DOCK7: variants seen among roughly 807,000 people sequenced by gnomAD.
DOCK7 encodes the protein dedicator of cytokinesis protein 7.
DOCK7 carries 138 observed loss-of-function variants against 271.0 expected under a neutral mutation model. The ratio of observed to expected loss-of-function variants is 0.51; its 90% confidence interval spans 0.44 to 0.59. The LOEUF is 0.59. Ranked by LOEUF, DOCK7 falls within the 20% of genes least tolerant of loss-of-function variation. The pLI is 0.00. For missense variants in DOCK7, 2,066 were observed against 2,592.4 expected, an observed-to-expected ratio of 0.80 and a Z score of 4.41; for synonymous variants, 823 against 876.1, an observed-to-expected ratio of 0.94 and a Z score of 1.07.
intron 34 of DOCK7, among the ~76,000 whole-genome samples, chr1:62,508,507 C>G (rs954190934): frequency 1.6e-4 from 25 of 152,034 alleles, no homozygotes; most frequent in Non-Finnish European, 3.5e-4. Flanking sequence ...CTAATTTTCC[C>G]CCAATTTTTT....
chr1:62,664,376 A>G (rs530254207), intron 1 of DOCK7, among the ~76,000 whole-genome samples: 1 of 152,184 alleles, frequency 6.6e-6, no homozygotes, highest in Middle Eastern at 3.4e-3. Flanking sequence ...TGATGGTTTT[A>G]TAAGGGGTTT....
intron 14 of DOCK7, chr1:62,601,912 A>G: frequency 7.1e-7 from 1 of 1,414,072 alleles, no homozygotes; most frequent in Non-Finnish European, 1.0e-6. Flanking sequence ...AATAGACAGT[A>G]GTTAGTTCAA....
intron 14 of DOCK7, among the ~76,000 whole-genome samples, chr1:62,616,692 AAACT>A (rs1652481203): frequency 6.6e-6 from 1 of 151,784 alleles, no homozygotes; most frequent in African/African-American, 2.4e-5. Context: ...GAGACTGAAT[AAACT>A]AATTTAAATG....
rs59566679 is a variant in DOCK7, at chr1:62,534,900, G to A, written c.3611+593C>T. Among the ~76,000 whole-genome samples the A allele has an allele frequency of 8.4e-3, 1,280 of 152,186 alleles. 22 individuals carry two copies. Among genetic ancestry groups the A allele is most frequent in the African/African-American group, 0.029 (1,213 of 41,522 alleles). On this transcript the variant is annotated intron_variant, in intron 29 of 49. Coordinates refer to ENST00000635253, the MANE Select transcript of DOCK7 (RefSeq NM_001367561.1). ...GAGGTCAGGAGTTTGAGACCAGCCT[G>A]GACAACATGGTGAAACCCCATCTCT...
Position 62,477,824 on chromosome 1 carries a change from C to A in DOCK7, c.5510G>T (p.Arg1837Leu). ...AACACGAAAATAGGTGCCAAACATC[C>A]GCTTACCATCCTAGGTTTAGGAAAA... is the stretch of plus-strand genomic sequence containing the variant. ...KIVHQSTGWE[R>L]MFGTYFRVGF... The change falls in exon 44 of 50, where the codon CGG (arginine) becomes CTG (leucine). Residue 1837 changes from arginine to leucine, a missense_variant and splice_region_variant. Arg to Leu is a moderately radical substitution (Grantham distance 102). Transcript: ENST00000635253. The A allele has an allele frequency of 6.2e-7, 1 of 1,604,658 alleles. No individual in the cohort carries two copies. Among genetic ancestry groups the A allele is most frequent in the Non-Finnish European group, 8.5e-7 (1 of 1,176,718 alleles).
chr1:62,669,040 C>T (rs1267928306), intron 1 of DOCK7, among the ~76,000 whole-genome samples: 1 of 152,034 alleles, frequency 6.6e-6, no homozygotes, highest in African/African-American at 2.4e-5. Flanking sequence ...TATATCACAT[C>T]CTCCATAAAG....
At chr1:62,457,363 T>A (rs1219143054) in intron 49 of DOCK7, among the ~76,000 whole-genome samples, 175 bp downstream of exon 49, 1 of 152,190 alleles carries the variant, frequency 6.6e-6, no homozygotes, top group African/African-American at 2.4e-5. Context: ...ATTTTTGGAT[T>A]AGGGATACTC....
chr1:62,536,214 TC>T (rs1439858932), intron 28 of DOCK7, among the ~76,000 whole-genome samples: 1 of 152,188 alleles, frequency 6.6e-6, no homozygotes, highest in African/African-American at 2.4e-5. Context: ...ACAATAGATT[TC>T]ACATTTCTCT....
intron 16 of DOCK7, among the ~76,000 whole-genome samples, chr1:62,580,195 A>G (rs1477840854): frequency 6.6e-6 from 1 of 152,212 alleles, no homozygotes; most frequent in Non-Finnish European, 1.5e-5. Context: ...TATCTCAAAT[A>G]AGCCTCAAAA....
intron 14 of DOCK7, among the ~76,000 whole-genome samples, chr1:62,593,695 T>C (rs914198424): frequency 6.6e-6 from 1 of 152,192 alleles, no homozygotes; most frequent in Non-Finnish European, 1.5e-5. Context: ...GATAAAATTA[T>C]TCCTTCAAAG....
chr1:62,473,641 A>G (rs1351698436), intron 48 of DOCK7, among the ~76,000 whole-genome samples: 1 of 151,950 alleles, frequency 6.6e-6, no homozygotes, highest in African/African-American at 2.4e-5. Flanking sequence ...GCTGGAGTGC[A>G]GTGTACAATC....
intron 48 of DOCK7, among the ~76,000 whole-genome samples, chr1:62,459,953 T>C (rs1247116223): frequency 1.3e-5 from 2 of 151,634 alleles, no homozygotes; most frequent in African/African-American, 2.4e-5. Flanking sequence ...TACAAAAAAT[T>C]AGCCAGGTGT....
intron 14 of DOCK7, among the ~76,000 whole-genome samples, chr1:62,610,414 C>A (rs1465091920): frequency 6.6e-6 from 1 of 151,988 alleles, no homozygotes; most frequent in Non-Finnish European, 1.5e-5. Context: ...CCAACCACAG[C>A]AGTATTACCA....
chr1:62,606,228 C>T (rs763886336), intron 14 of DOCK7: 12 of 151,470 alleles, frequency 7.9e-5, no homozygotes, highest in African/African-American at 1.2e-4. Context: ...ACCAAAATGG[C>T]TCCTCTCTTC....
At chr1:62,457,979 C>T (rs1391341801) in intron 48 of DOCK7, 1 of 292,320 alleles carries the variant, frequency 3.4e-6, no homozygotes. Context: ...GGCAAAACCT[C>T]GTCTCTACAA....
Position 62,625,669 on chromosome 1 carries a change from A to G in DOCK7, c.1283-268T>C, listed in dbSNP as rs551240383. On this transcript the variant is annotated intron_variant, in intron 11 of 49. Transcript: ENST00000635253. ...CAATGATGAGCCACAAAGAGCAGCT[A>G]TAGAGGAAGTATGCATTTACTACAA... 2.0e-5 allele frequency among the ~76,000 whole-genome samples: 3 copies of G among 152,366 alleles called. No individual in the cohort carries two copies. In the South Asian group the frequency reaches 6.2e-4, roughly 32 times the overall value.
chr1:62,601,206 T>G, intron 14 of DOCK7: 1 of 1,530,646 alleles, frequency 6.5e-7, no homozygotes. Flanking sequence ...GGTAAGACAC[T>G]TTGGTGGGTT....
intron 22 of DOCK7, among the ~76,000 whole-genome samples, chr1:62,552,172 A>T (rs1323911563): frequency 6.6e-6 from 1 of 152,040 alleles, no homozygotes; most frequent in African/African-American, 2.4e-5. Flanking sequence ...AAACAGGAAT[A>T]AAAAACCTGA....
At chr1:62,461,730 A>ATAAAAT (rs1553148819) in intron 48 of DOCK7, among the ~76,000 whole-genome samples, 7 of 151,424 alleles carry the variant, frequency 4.6e-5, no homozygotes, top group Non-Finnish European at 8.8e-5. Flanking sequence ...ATAAAATAAA[A>ATAAAAT]GTCAACTGAT....
Sources: gnomAD v4.1 joint callset for allele counts (sites outside exome capture counted in the v4.1 genomes callset) on GRCh38, gnomAD v4.1.1 for gene constraint, MANE v1.5 for transcripts, NCBI Gene and HGNC (gene_info 2026-07-23, HGNC 2026-07-21) for gene names.